The following TNR variants were observed in gnomAD, a reference collection of about 807,000 sequenced individuals.
TNR encodes tenascin R, also known as tenascin-R.
TNR carries 45 observed loss-of-function variants against 150.4 expected under a neutral mutation model. The observed-to-expected ratio is 0.30, with a 90% CI of 0.24 to 0.38. The LOEUF (loss-of-function observed/expected upper bound fraction) is 0.38, where lower values mean the gene tolerates loss of function less well. Ranked by LOEUF, TNR falls within the 10% of genes least tolerant of loss-of-function variation. The pLI is 1.00. For missense variants in TNR, 1,544 were observed against 1,759.1 expected (o/e 0.88, Z 2.19); for synonymous variants, 687 against 678.4 (o/e 1.01, Z -0.20).
chr1:175,553,452 T>C (rs1214890512), intron 1 of TNR, among the ~76,000 whole-genome samples: 2 of 152,206 alleles, frequency 1.3e-5, no homozygotes, highest in Admixed American at 1.3e-4. Context: ...TCCAGCCGTT[T>C]ACCACTGGGG....
intron 18 of TNR, among the ~76,000 whole-genome samples, chr1:175,352,496 G>A (rs533546609): frequency 1.3e-5 from 2 of 152,292 alleles, no homozygotes; most frequent in South Asian, 2.1e-4. Context: ...AGAGGACCAT[G>A]GAGCCCTCTT....
chr1:175,635,369 A>T (rs1159119099), intron 1 of TNR, among the ~76,000 whole-genome samples: 2 of 152,244 alleles, frequency 1.3e-5, no homozygotes, highest in Non-Finnish European at 2.9e-5. Context: ...AGTAGTTTGG[A>T]AATTCTCCAG....
intron 2 of TNR, among the ~76,000 whole-genome samples, chr1:175,439,129 A>G (rs1655658849): frequency 6.6e-6 from 1 of 152,234 alleles, no homozygotes; most frequent in Non-Finnish European, 1.5e-5. Flanking sequence ...AAACTATACT[A>G]CAAGGCTACA....
intron 1 of TNR, among the ~76,000 whole-genome samples, chr1:175,582,039 G>T (rs1224902942): frequency 3.3e-5 from 5 of 152,096 alleles, no homozygotes; most frequent in Non-Finnish European, 7.4e-5. Context: ...CACAAATTCT[G>T]GGTGGTACCA....
intron 2 of TNR, among the ~76,000 whole-genome samples, chr1:175,479,141 T>C (rs1403810243): frequency 6.6e-6 from 1 of 152,198 alleles, no homozygotes; most frequent in Non-Finnish European, 1.5e-5. Flanking sequence ...ATTCAAACCA[T>C]GGGAAATTTG....
chr1:175,556,863 T>A (rs1661180626), intron 1 of TNR: 1 of 152,284 alleles, frequency 6.6e-6, no homozygotes, highest in Non-Finnish European at 1.5e-5. Context: ...CATGAGTGTG[T>A]GTGGGACCAT....
At chr1:175,355,663 C>T (rs1282880496) in intron 16 of TNR, 30 bp from the exon 17 acceptor site, 1 of 1,611,978 alleles carries the variant, frequency 6.2e-7, no homozygotes, top group Non-Finnish European at 8.5e-7. Flanking sequence ...CCAGGGCATG[C>T]CTGCCTCTCC....
intron 1 of TNR, among the ~76,000 whole-genome samples, chr1:175,699,545 G>T (rs1347220172): frequency 6.6e-6 from 1 of 152,166 alleles, no homozygotes; most frequent in Non-Finnish European, 1.5e-5. Context: ...ATAATAATCA[G>T]TGAGGGCTAA....
intron 2 of TNR, among the ~76,000 whole-genome samples, chr1:175,408,043 C>T (rs900757272): frequency 6.6e-6 from 1 of 152,222 alleles, no homozygotes; most frequent in Admixed American, 6.5e-5. Flanking sequence ...TTCCCTCCTG[C>T]CTCCTCTGCT....
rs533636507 is a variant in TNR at position 175,421,909 on chromosome 1, T to C, written c.-63-15132A>G. 2.6e-5 allele frequency among the ~76,000 whole-genome samples: 4 copies of C among 152,354 alleles called. No homozygotes were observed. The South Asian group carries it at 8.3e-4, about 32-fold the overall frequency. ...AAGGAAAGGAAAGGAAGGGCTTTCT[T>C]AGACTGACATGTGCATTGTCCAGGC... is the stretch of plus-strand genomic sequence containing the variant. On this transcript the variant is annotated intron_variant, in intron 2 of 22. Transcript: ENST00000367674.
In TNR at chr1:175,365,041, G is replaced by A; in HGVS notation, c.2556C>T (p.Thr852=). ...TGATGGAGCCCACAATGGGCTCAGA[G>A]GTCACTGTGCCATGGACAGCCACAA... is the stretch of plus-strand genomic sequence containing the variant. The part of the protein sequence containing the change: ...VNLVAVHGTV[T]SEPIVGSITT... The change falls in exon 12 of 23, where the codon ACC becomes ACT. Residue 852 remains threonine (T), a synonymous_variant. Transcript: ENST00000367674. The A allele has an allele frequency of 6.2e-7, 1 of 1,613,476 alleles. No homozygotes were observed. Among genetic ancestry groups the A allele is most frequent in the South Asian group, 1.1e-5 (1 of 91,030 alleles).
intron 1 of TNR, among the ~76,000 whole-genome samples, chr1:175,690,755 G>A (rs1666337523): frequency 6.6e-6 from 1 of 152,194 alleles, no homozygotes; most frequent in Non-Finnish European, 1.5e-5. Context: ...AGAAGTATTG[G>A]AGTAGAACAA....
chr1:175,688,937 A>G (rs999857318), intron 1 of TNR, among the ~76,000 whole-genome samples: 1 of 152,268 alleles, frequency 6.6e-6, no homozygotes, highest in African/African-American at 2.4e-5. Context: ...AACATTATAC[A>G]GTGACCTCTG....
intron 1 of TNR, among the ~76,000 whole-genome samples, chr1:175,545,874 A>G (rs1017234048): frequency 1.3e-5 from 2 of 152,224 alleles, no homozygotes; most frequent in Admixed American, 6.5e-5. Context: ...AGCTATAAGC[A>G]TGGCCTGGGA....
At chr1:175,642,792 G>A (rs575167789) in intron 1 of TNR, among the ~76,000 whole-genome samples, 30 of 152,218 alleles carry the variant, frequency 2.0e-4, no homozygotes, top group African/African-American at 6.3e-4. Flanking sequence ...TTAGCCAGGC[G>A]CAGTGGCATG....
At chr1:175,606,984 C>T (rs1378358802) in intron 1 of TNR, among the ~76,000 whole-genome samples, 1 of 152,200 alleles carries the variant, frequency 6.6e-6, no homozygotes, top group Admixed American at 6.5e-5. Flanking sequence ...TGCTTCACTT[C>T]CTCCCTTACT....
At position 175,434,747 on chromosome 1, in the gene TNR, T is replaced by C. The variant is rs531426709; in HGVS notation, c.-63-27970A>G. ...CCCTATTTCAGTTCCTACCGTGTTT[T>C]GGTACACAGCATGGAGTTTCTGAAT... On this transcript the variant is annotated intron_variant, in intron 2 of 22. Transcript: ENST00000367674. 6.6e-5 allele frequency among the ~76,000 whole-genome samples: 10 copies of C among 152,314 alleles called. 1 individual carries two copies. Among genetic ancestry groups the C allele is most frequent in the African/African-American group, 2.4e-4 (10 of 41,580 alleles).
chr1:175,374,660 C>T lies in TNR; in HGVS notation c.1963+4892G>A, dbSNP rs570022045. On this transcript the variant is annotated intron_variant, in intron 9 of 22. Coordinates refer to ENST00000367674, the MANE Select transcript of TNR (RefSeq NM_003285.3). ...TAGAAACTGTAAAGCTTCTGGATTTCCTAGGCCCTGTTGGCAATTTTTCAG... is the reference window on the plus strand; with the variant it reads ...TAGAAACTGTAAAGCTTCTGGATTTTCTAGGCCCTGTTGGCAATTTTTCAG... 4.9e-4 allele frequency among the ~76,000 whole-genome samples: 75 copies of T among 152,294 alleles called. 1 individual carries two copies. The highest frequency in any genetic ancestry group is 2.2e-3 in the Admixed American group (34 of 15,306).
rs1651891282 is a variant in TNR at position 175,367,313 on chromosome 1, G to A, written c.1964-16C>T. The A allele has an allele frequency of 6.2e-7, 1 of 1,609,768 alleles. No homozygotes were observed. Among genetic ancestry groups the A allele is most frequent in the Non-Finnish European group, 8.5e-7 (1 of 1,176,014 alleles). The stretch of plus-strand genomic sequence containing the variant: ...GGTACCAGATCTATCAGTGGATGGA[G>A]AAACAAACATTATTCTGTGTATGGG... On this transcript the variant is annotated splice_polypyrimidine_tract_variant and intron_variant, in intron 9 of 22. Coordinates refer to ENST00000367674, the MANE Select transcript of TNR (RefSeq NM_003285.3).
Sources: gnomAD v4.1 joint callset for allele counts (sites outside exome capture counted in the v4.1 genomes callset) on GRCh38, gnomAD v4.1.1 for gene constraint, MANE v1.5 for transcripts, NCBI Gene and HGNC (gene_info 2026-07-23, HGNC 2026-07-21) for gene names.